The following ZNF69 variants were observed in gnomAD, a reference collection of about 807,000 sequenced individuals.
ZNF69 encodes ZNF3.
In ZNF69, 47 loss-of-function variants were observed where a neutral mutation model predicts 50.9. The observed-to-expected ratio is 0.92, with a 90% CI of 0.73 to 1.18. The LOEUF (loss-of-function observed/expected upper bound fraction) is 1.18. Among genes scored for constraint, ZNF69 ranks in the 50% most tolerant of loss-of-function variants. The pLI is 0.00. For missense variants in ZNF69, 717 were observed against 675.1 expected (o/e 1.06, Z -0.69); for synonymous variants, 216 against 223.1 (o/e 0.97, Z 0.29).
chr19:11,902,261 C>T (rs1007308074), intron 1 of ZNF69, among the ~76,000 whole-genome samples: 2 of 152,148 alleles, frequency 1.3e-5, no homozygotes, highest in African/African-American at 4.8e-5. Flanking sequence ...GGATTACAGG[C>T]GTCAGCCACC....
chr19:11,965,480 G>C, the ZNF69 span, among the ~76,000 whole-genome samples: 1 of 152,226 alleles, frequency 6.6e-6, no homozygotes. Flanking sequence ...GCAGCCCCGC[G>C]TCTCCCCAGA....
At chr19:11,927,422 T>TTAAATAAATAAA in the ZNF69 span, among the ~76,000 whole-genome samples, 180 of 143,122 alleles carry the variant, frequency 1.3e-3, no homozygotes, top group East Asian at 2.0e-3. Flanking sequence ...CTGTCTCTAT[T>TTAAATAAATAAA]TAAATAAATA....
At chr19:11,913,330 T>TC in intron 4 of ZNF69, 1 of 549,912 alleles carries the variant, frequency 1.8e-6, no homozygotes, top group South Asian at 2.6e-5. Context: ...CTTTTTTTTT[T>TC]CGGAAATTTT....
At chr19:11,888,668 G>A (rs1012422589) in intron 1 of ZNF69, among the ~76,000 whole-genome samples, 2 of 152,080 alleles carry the variant, frequency 1.3e-5, no homozygotes, top group Non-Finnish European at 2.9e-5. Flanking sequence ...ATTTCCTTAG[G>A]CAGAAAGGGA....
Position 11,904,909 on chromosome 19 carries a change from A to G in ZNF69, c.512A>G (p.Lys171Arg), listed in dbSNP as rs974298708. ...CCATGTAAGTGTCAACAACCTAAAA[A>G]AGCCTTCAGATATCACCCCTCCTTT... ...PKPCKCQQPK[K>R]AFRYHPSFRT... The change falls in exon 4 of 4, where the codon AAA becomes AGA. Residue 171 changes from lysine (K) to arginine (R), a missense_variant. By Grantham distance (26) the Lys-to-Arg change is conservative. Coordinates refer to ENST00000429654, the MANE Select transcript of ZNF69 (RefSeq NM_001364730.1). The G allele has an allele frequency of 6.2e-7, 1 of 1,614,182 alleles. No homozygotes were observed. The highest frequency in any genetic ancestry group is 8.5e-7 in the Non-Finnish European group (1 of 1,180,026).
chr19:11,892,760 T>G (rs1202599146), intron 1 of ZNF69, among the ~76,000 whole-genome samples: 1 of 152,232 alleles, frequency 6.6e-6, no homozygotes, highest in Non-Finnish European at 1.5e-5. Context: ...GAAAGCTGTG[T>G]GTCATGTGAC....
At chr19:11,926,237 C>A in the ZNF69 span, among the ~76,000 whole-genome samples, 1 of 152,196 alleles carries the variant, frequency 6.6e-6, no homozygotes, top group African/African-American at 2.4e-5. Context: ...CACAAGCAGT[C>A]TGTTTTTCCA....
At position 11,905,116 on chromosome 19, in the gene ZNF69, G is replaced by C. The variant is rs758855667; in HGVS notation, c.719G>C (p.Arg240Thr). ...CTCAGTTTATATCTTATCCATGAAA[G>C]AATTCACACTGGAGAGAAACCATAT... ...HCLSLYLIHE[R>T]IHTGEKPYEC... is the part of the protein sequence containing the mutation. Residue 240 changes from arginine (R) to threonine (T), a missense_variant, in exon 4 of 4, where the codon AGA (arginine) becomes ACA (threonine). Physicochemically the swap from Arg to Thr is moderately conservative, Grantham distance 71 (BLOSUM62 -1). Transcript: ENST00000429654. 32 of 1,614,042 alleles carry C rather than the reference G, an allele frequency of 2.0e-5. No individual in the cohort carries two copies. Among genetic ancestry groups the C allele is most frequent in the Non-Finnish European group, 2.5e-5 (30 of 1,180,036 alleles).
chr19:11,938,376 C>T, the ZNF69 span, among the ~76,000 whole-genome samples: 3 of 152,012 alleles, frequency 2.0e-5, no homozygotes, highest in Admixed American at 1.3e-4. Context: ...TTATGCTATC[C>T]CTCTCCCTTC....
chr19:11,893,299 C>T (rs532289912), intron 1 of ZNF69, among the ~76,000 whole-genome samples: 25 of 152,274 alleles, frequency 1.6e-4, no homozygotes, highest in South Asian at 6.2e-4. Flanking sequence ...GCATACAGTT[C>T]GGTCTCATTG....
downstream of ZNF69, among the ~76,000 whole-genome samples, chr19:11,908,565 A>G (rs918635259): frequency 2.0e-5 from 3 of 152,228 alleles, no homozygotes; most frequent in African/African-American, 7.2e-5. Flanking sequence ...CCTGCTCCTG[A>G]ATGACTACTG....
chr19:11,929,837 C>G, the ZNF69 span, among the ~76,000 whole-genome samples: 2 of 148,446 alleles, frequency 1.3e-5, no homozygotes, highest in African/African-American at 5.2e-5. Flanking sequence ...AGAATAACCA[C>G]TAGACATTTG....
the ZNF69 span, among the ~76,000 whole-genome samples, chr19:11,962,730 G>A: frequency 7.9e-5 from 12 of 152,210 alleles, no homozygotes; most frequent in East Asian, 1.5e-3. Flanking sequence ...GCAGTTAACC[G>A]GAACTATCAT....
At chr19:11,943,739 C>T in the ZNF69 span, among the ~76,000 whole-genome samples, 2 of 152,164 alleles carry the variant, frequency 1.3e-5, no homozygotes, top group Non-Finnish European at 2.9e-5. Context: ...CCTCAGTAAC[C>T]TGATGAATAC....
downstream of ZNF69, among the ~76,000 whole-genome samples, chr19:11,919,021 G>A (rs187281850): frequency 6.6e-6 from 1 of 151,638 alleles, no homozygotes; most frequent in African/African-American, 2.4e-5. Context: ...TCAGCCTCCT[G>A]AGTAGCTGGG....
intron 1 of ZNF69, among the ~76,000 whole-genome samples, chr19:11,890,449 A>T (rs1977057904): frequency 6.6e-6 from 1 of 152,256 alleles, no homozygotes. Flanking sequence ...GATTCAATAC[A>T]GCACAGGTTT....
intron 1 of ZNF69, among the ~76,000 whole-genome samples, chr19:11,895,971 G>A (rs1417832071): frequency 6.6e-6 from 1 of 152,092 alleles, no homozygotes; most frequent in Non-Finnish European, 1.5e-5. Context: ...TGTAATCCCA[G>A]CACTTTGGGA....
At chr19:11,929,538 G>A in the ZNF69 span, among the ~76,000 whole-genome samples, 2 of 148,092 alleles carry the variant, frequency 1.4e-5, no homozygotes, top group East Asian at 1.9e-4. Context: ...GGTAAATTGT[G>A]CCTGATTAAG....
At chr19:11,954,996 A>ATTTTTTTTTT in the ZNF69 span, among the ~76,000 whole-genome samples, 1 of 101,712 alleles carries the variant, frequency 9.8e-6, no homozygotes, top group Non-Finnish European at 1.9e-5. Flanking sequence ...TTTCAAAAAA[A>ATTTTTTTTTT]TTTTTTTTTT....
Sources: allele counts gnomAD v4.1 joint callset (sites outside exome capture counted in the v4.1 genomes callset), GRCh38; gene constraint gnomAD v4.1.1; transcripts MANE v1.5; gene names NCBI Gene and HGNC (gene_info 2026-07-23, HGNC 2026-07-21).